The following CNTNAP2 variants were observed in gnomAD, a reference collection of about 807,000 sequenced individuals.
The protein encoded by CNTNAP2 is contactin-associated protein-like 2.
Under a neutral mutation model 155.2 loss-of-function variants are expected in CNTNAP2, and 98 were observed. That is an observed-to-expected ratio of 0.63 (90% CI 0.54 to 0.75). CNTNAP2 has a LOEUF of 0.75. Ranked by LOEUF, CNTNAP2 falls within the 30% of genes least tolerant of loss-of-function variation. CNTNAP2 has a pLI of 0.00. For missense variants in CNTNAP2, 1,727 were observed against 1,688.1 expected, an observed-to-expected ratio of 1.02 and a Z score of -0.40; for synonymous variants, 651 against 631.2, an observed-to-expected ratio of 1.03 and a Z score of -0.47.
At chr7:147,875,932 A>T (rs1485716054) in intron 13 of CNTNAP2, among the ~76,000 whole-genome samples, 2 of 152,220 alleles carry the variant, frequency 1.3e-5, no homozygotes, top group African/African-American at 2.4e-5. Context: ...TTGAGAGTAC[A>T]GAGGTAAAGA....
intron 15 of CNTNAP2, among the ~76,000 whole-genome samples, chr7:148,025,860 T>A (rs1443684985): frequency 6.6e-6 from 1 of 152,242 alleles, no homozygotes; most frequent in East Asian, 1.9e-4. Context: ...CATAAAGAGA[T>A]GTTTGAAAAC....
At chr7:147,345,966 G>A (rs575743484) in intron 9 of CNTNAP2, among the ~76,000 whole-genome samples, 43 of 152,014 alleles carry the variant, frequency 2.8e-4, no homozygotes, top group South Asian at 1.2e-3. Flanking sequence ...TTAATAGGCC[G>A]CAAACAGTTA....
At chr7:147,993,496 A>G (rs889579454) in intron 15 of CNTNAP2, among the ~76,000 whole-genome samples, 2 of 152,204 alleles carry the variant, frequency 1.3e-5, no homozygotes, top group Non-Finnish European at 2.9e-5. Context: ...GCTTATGCTG[A>G]TAATCCCCAA....
At chr7:146,943,866 A>G (rs1797104854) in intron 3 of CNTNAP2, among the ~76,000 whole-genome samples, 1 of 152,208 alleles carries the variant, frequency 6.6e-6, no homozygotes, top group Non-Finnish European at 1.5e-5. Flanking sequence ...TTACATGAAG[A>G]TGATTAGCAT....
At chr7:146,608,005 T>C (rs1351500136) in intron 1 of CNTNAP2, among the ~76,000 whole-genome samples, 1 of 152,172 alleles carries the variant, frequency 6.6e-6, no homozygotes, top group African/African-American at 2.4e-5. Context: ...AAGCAGAAAA[T>C]GCAGAAAGAT....
At position 146,721,857 on chromosome 7, in the gene CNTNAP2, A is replaced by ATGTG. The variant is rs1280136237; in HGVS notation, c.98-52413_98-52412insGTGT. ...TAGTCTATATATATATTCTACATTT[A>ATGTG]TATGTGTGTGTGTGTGTGTATATAT... On this transcript the variant is annotated intron_variant, in intron 1 of 23. Transcript: ENST00000361727. 5.5e-4 allele frequency among the ~76,000 whole-genome samples: 55 copies of ATGTG among 99,626 alleles called. 2 individuals carry two copies. The highest frequency in any genetic ancestry group is 4.7e-3 in the African/African-American group (51 of 10,874). The allele number at this position is 99,626 out of a possible 152,430, so 65.4% of individuals were successfully genotyped here.
At chr7:147,540,588 A>T (rs1465757790) in intron 11 of CNTNAP2, among the ~76,000 whole-genome samples, 2 of 152,082 alleles carry the variant, frequency 1.3e-5, no homozygotes, top group Non-Finnish European at 2.9e-5. Flanking sequence ...ACTACTTATA[A>T]AAAGGGAAAC....
At chr7:147,062,165 AAAAAAC>A (rs1799694851) in intron 4 of CNTNAP2, among the ~76,000 whole-genome samples, 7 of 130,354 alleles carry the variant, frequency 5.4e-5, no homozygotes, top group Admixed American at 7.8e-5. Flanking sequence ...AAAAAAAAAA[AAAAAAC>A]CAGTTCTTTA....
chr7:147,356,085 C>A (rs1796057863), intron 9 of CNTNAP2, among the ~76,000 whole-genome samples: 1 of 152,246 alleles, frequency 6.6e-6, no homozygotes, highest in African/African-American at 2.4e-5. Flanking sequence ...AGCTTATCCA[C>A]CATGATCAAG....
chr7:148,243,803 A>G (rs1796203814), intron 20 of CNTNAP2, among the ~76,000 whole-genome samples: 1 of 152,152 alleles, frequency 6.6e-6, no homozygotes, highest in African/African-American at 2.4e-5. Context: ...AAAAAAAAGA[A>G]AAAAGAAAAA....
chr7:147,488,129 G>C (rs1282233342), intron 11 of CNTNAP2, among the ~76,000 whole-genome samples: 1 of 152,182 alleles, frequency 6.6e-6, no homozygotes, highest in Non-Finnish European at 1.5e-5. Context: ...ACTTGATACA[G>C]TCTTACTTAT....
chr7:146,227,084 G>A (rs1405441017), intron 1 of CNTNAP2, among the ~76,000 whole-genome samples: 1 of 152,090 alleles, frequency 6.6e-6, no homozygotes, highest in Non-Finnish European at 1.5e-5. Context: ...GGCATAGAGA[G>A]ACAGATGGGT....
chr7:147,689,374 C>T (rs1666054933), intron 13 of CNTNAP2, among the ~76,000 whole-genome samples: 1 of 152,026 alleles, frequency 6.6e-6, no homozygotes, highest in South Asian at 2.1e-4. Context: ...TGTTTGAACT[C>T]CTGACCTCAA....
chr7:146,136,839 C>G (rs1216118991), intron 1 of CNTNAP2, among the ~76,000 whole-genome samples: 1 of 152,138 alleles, frequency 6.6e-6, no homozygotes, highest in Admixed American at 6.6e-5. Flanking sequence ...CGTTGCTTTG[C>G]TAGTCTGGGG....
chr7:146,453,190 G>C (rs1183082705), intron 1 of CNTNAP2, among the ~76,000 whole-genome samples: 1 of 152,186 alleles, frequency 6.6e-6, no homozygotes, highest in Admixed American at 6.5e-5. Context: ...ACTGATTCGG[G>C]AGTGTTTGAG....
chr7:146,197,195 A>G (rs1328695728), intron 1 of CNTNAP2, among the ~76,000 whole-genome samples: 1 of 152,128 alleles, frequency 6.6e-6, no homozygotes, highest in East Asian at 1.9e-4. Context: ...TGATGTAAAA[A>G]CCAGAAAAGA....
intron 1 of CNTNAP2, among the ~76,000 whole-genome samples, chr7:146,246,409 T>C (rs930430529): frequency 2.0e-5 from 3 of 149,578 alleles, no homozygotes; most frequent in East Asian, 1.9e-4. Context: ...CTTAAAAGAG[T>C]ATTGTCTAAG....
chr7:147,089,012 G>GAGAGAAAGAGAAAGAGAA (rs57021242), intron 4 of CNTNAP2, among the ~76,000 whole-genome samples: 2 of 151,564 alleles, frequency 1.3e-5, no homozygotes, highest in African/African-American at 4.9e-5. Context: ...GAGAGAGAAA[G>GAGAGAAAGAGAAAGAGAA]AGAGAAAGAG....
chr7:147,862,072 T>C (rs12703978), intron 13 of CNTNAP2, among the ~76,000 whole-genome samples: 4,471 of 150,738 alleles, frequency 0.03, 115 homozygotes, highest in Non-Finnish European at 0.044. Flanking sequence ...TATTTTGTGG[T>C]AATGCAGCTA....
Sources: allele counts gnomAD v4.1 joint callset (sites outside exome capture counted in the v4.1 genomes callset), GRCh38; gene constraint gnomAD v4.1.1; transcripts MANE v1.5; gene names NCBI Gene and HGNC (gene_info 2026-07-23, HGNC 2026-07-21).